Variants in CLIC6 observed in about 807,000 individuals in gnomAD.
CLIC6 encodes the protein chloride intracellular channel protein 6.
A neutral mutation model predicts 49.2 loss-of-function variants in CLIC6; 39 were observed. The ratio of observed to expected loss-of-function variants is 0.79; its 90% CI spans 0.61 to 1.04. The LOEUF (loss-of-function observed/expected upper bound fraction) is 1.04. Among genes scored for constraint, CLIC6 ranks in the 50% least tolerant of loss-of-function variants. CLIC6 has a pLI of 0.00. For synonymous variants in CLIC6, 446 were observed against 433.4 expected, an observed-to-expected ratio of 1.03 and a Z score of -0.36; for missense variants, 988 against 993.1, an observed-to-expected ratio of 0.99 and a Z score of 0.07.
Position 34,670,667 on chromosome 21 carries a change from G to C in CLIC6, c.1279G>C (p.Gly427Arg), listed in dbSNP as rs747804694. The change falls in exon 1 of 6, where the codon GGC (glycine) becomes CGC (arginine). Residue 427 changes from glycine to arginine, a missense_variant. Coordinates refer to ENST00000349499, the MANE Select transcript of CLIC6 (RefSeq NM_053277.3). ...LAEEGPAEGS[G>R]EAARVNGRRE... ...CGAGGAGGGCCCCGCCGAGGGTAGC[G>C]GCGAGGCCGCGCGCGTGAACGGCCG... 6 of 1,571,456 alleles carry C rather than the reference G, an allele frequency of 3.8e-6. No homozygotes were observed. The highest frequency in any genetic ancestry group is 3.5e-5 in the South Asian group (3 of 86,698).
At chr21:34,696,967 A>G (rs566739812) in intron 1 of CLIC6, among the ~76,000 whole-genome samples, 7 of 151,948 alleles carry the variant, frequency 4.6e-5, no homozygotes, top group African/African-American at 1.4e-4. Context: ...TACACAGGGC[A>G]CTCTTTTCTC....
At chr21:34,705,990 A>G (rs777598451) in intron 1 of CLIC6, 1 of 661,436 alleles carries the variant, frequency 1.5e-6, no homozygotes, top group African/African-American at 1.8e-5. Context: ...TATATTTTTT[A>G]AATTACTATT....
intron 4 of CLIC6, 115 bp from the exon 5 acceptor site, chr21:34,709,242 C>G (rs2056038509): frequency 1.2e-6 from 1 of 833,732 alleles, no homozygotes; most frequent in Non-Finnish European, 1.9e-6. Context: ...TTCCCAGCAC[C>G]CATTGCTTGC....
At chr21:34,697,138 G>A (rs780567793) in intron 1 of CLIC6, among the ~76,000 whole-genome samples, 2 of 152,160 alleles carry the variant, frequency 1.3e-5, no homozygotes, top group African/African-American at 2.4e-5. Flanking sequence ...GGAGGGCCTG[G>A]TGTCTGGCCC....
In CLIC6 at chr21:34,670,716, A is replaced by G. The variant is rs1436170623; in HGVS notation, c.1328A>G (p.Glu443Gly). ...CGCCGGGAGGACGGAGAGGCGTCCG[A>G]GCCCCGGGCCCTGGGGCAGGAGCAC... ...NGRREDGEAS[E>G]PRALGQEHDI... Residue 443 changes from glutamate to glycine, a missense_variant, in exon 1 of 6, where the codon GAG (glutamate) becomes GGG (glycine). Transcript: ENST00000349499. 2 of 1,598,480 alleles carry G rather than the reference A, an allele frequency of 1.3e-6. No homozygotes were observed. The highest frequency in any genetic ancestry group is 1.7e-6 in the Non-Finnish European group (2 of 1,176,652).
intron 1 of CLIC6, among the ~76,000 whole-genome samples, chr21:34,687,870 G>A (rs1989910224): frequency 6.6e-6 from 1 of 152,180 alleles, no homozygotes; most frequent in Non-Finnish European, 1.5e-5. Flanking sequence ...TTAATGAAGA[G>A]TGAGAAGTCT....
intron 1 of CLIC6, among the ~76,000 whole-genome samples, chr21:34,693,979 T>TC (rs1229268705): frequency 3.6e-5 from 5 of 140,552 alleles, no homozygotes; most frequent in Non-Finnish European, 8.1e-5. Context: ...TGTTTTCTTT[T>TC]TTTTTTTTTT....
rs769335366 is a variant in CLIC6 at position 34,670,670 on chromosome 21, G to A, written c.1282G>A (p.Glu428Lys). The A allele has an allele frequency of 5.7e-5, 89 of 1,572,710 alleles. No homozygotes were observed. Among genetic ancestry groups the A allele is most frequent in the Non-Finnish European group, 7.3e-5 (85 of 1,162,822 alleles). Residue 428 changes from glutamate (E) to lysine (K), a missense_variant, in exon 1 of 6, where the codon GAG becomes AAG. Glu to Lys is a moderately conservative substitution (Grantham distance 56). Transcript: ENST00000349499. ...AEEGPAEGSG[E>K]AARVNGRRED... The stretch of plus-strand genomic sequence containing the variant: ...GGAGGGCCCCGCCGAGGGTAGCGGC[G>A]AGGCCGCGCGCGTGAACGGCCGCCG...
rs2056093424 is a variant in CLIC6, at chr21:34,717,315, T to G, written c.*833T>G. 1.3e-5 allele frequency: 2 copies of G among 152,264 alleles called. No individual in the cohort carries two copies. Among genetic ancestry groups the G allele is most frequent in the South Asian group, 4.1e-4 (2 of 4,834 alleles). 9.4% of individuals were successfully genotyped at this position (152,264 alleles called of 1,614,324 possible). On this transcript the variant is annotated 3_prime_UTR_variant, in exon 6 of 6. Transcript: ENST00000349499. Reference sequence around the variant, plus strand: ...TGGAGAACCTCCCTGCCCTGAAATGTGAACCAAGCACACTTTGGTTCCTTC... The same window carrying G: ...TGGAGAACCTCCCTGCCCTGAAATGGGAACCAAGCACACTTTGGTTCCTTC...
At chr21:34,712,265 G>T in intron 5 of CLIC6, among the ~76,000 whole-genome samples, 1 of 152,164 alleles carries the variant, frequency 6.6e-6, no homozygotes, top group East Asian at 1.9e-4. Context: ...AGATGAGAGT[G>T]TGAAGGGATT....
intron 5 of CLIC6, among the ~76,000 whole-genome samples, chr21:34,712,027 C>G (rs1237486369): frequency 6.6e-6 from 1 of 152,156 alleles, no homozygotes; most frequent in African/African-American, 2.4e-5. Flanking sequence ...ATCCCAGCCA[C>G]AGAGCATTCA....
At chr21:34,683,687 G>T (rs917377028) in intron 1 of CLIC6, among the ~76,000 whole-genome samples, 1 of 152,104 alleles carries the variant, frequency 6.6e-6, no homozygotes, top group African/African-American at 2.4e-5. Context: ...AGATCTGATG[G>T]TTTAAAAGTG....
intron 1 of CLIC6, among the ~76,000 whole-genome samples, chr21:34,682,479 G>A (rs1989795713): frequency 6.6e-6 from 1 of 152,140 alleles, no homozygotes; most frequent in East Asian, 1.9e-4. Context: ...TGAGATGGCT[G>A]CTTATATTCT....
chr21:34,694,237 C>T (rs979200899), intron 1 of CLIC6, among the ~76,000 whole-genome samples: 4 of 104,702 alleles, frequency 3.8e-5, no homozygotes, highest in South Asian at 3.2e-4. Flanking sequence ...CCTCAGCCTC[C>T]GAAAGTGTTG....
At position 34,708,062 on chromosome 21, in the gene CLIC6, C is replaced by G. The variant is rs1222529944; in HGVS notation, c.1603C>G (p.Pro535Ala). ...GGAGTTCTTAGAGGAGAAATTAGCT[C>G]CCCCGAGGTAGGCCTCAGAAAACCA... Reference protein sequence around the residue: ...IEEFLEEKLAPPRYPKLGTQH... With the variant: ...IEEFLEEKLAAPRYPKLGTQH... Residue 535 changes from proline to alanine, a missense_variant, in exon 3 of 6, where the codon CCC (proline) becomes GCC (alanine). Physicochemically the swap from Pro to Ala is conservative, Grantham distance 27. Transcript: ENST00000349499. 2 of 1,613,940 alleles carry G rather than the reference C, an allele frequency of 1.2e-6. No homozygotes were observed. The highest frequency in any genetic ancestry group is 1.7e-6 in the Non-Finnish European group (2 of 1,179,970).
At chr21:34,689,038 A>G (rs1262015498) in intron 1 of CLIC6, among the ~76,000 whole-genome samples, 1 of 152,142 alleles carries the variant, frequency 6.6e-6, no homozygotes, top group Non-Finnish European at 1.5e-5. Context: ...GGGTGAGGGA[A>G]TGAGGTGGGC....
rs13049239 is a variant in CLIC6, at chr21:34,670,285, G to A, written c.897G>A (p.Ser299=). The A allele has an allele frequency of 0.22, 323,001 of 1,439,640 alleles. 37,166 individuals are homozygous for A. The highest frequency in any genetic ancestry group is 0.25 in the South Asian group (16,804 of 68,408). 89.2% of individuals were successfully genotyped at this position (1,439,640 alleles called of 1,614,324 possible). Residue 299 remains serine, a synonymous_variant, in exon 1 of 6, where the codon TCG becomes TCA. Coordinates refer to ENST00000349499, the MANE Select transcript of CLIC6 (RefSeq NM_053277.3). The stretch of plus-strand genomic sequence containing the variant: ...GGGTCTCGGGTGAGCCGCAGCAATC[G>A]GGGGACGGCAGCCTCTCGCCCCAGG... The part of the protein sequence containing the change: ...ARRVSGEPQQ[S]GDGSLSPQAE...
At chr21:34,697,008 A>G (rs1389835307) in intron 1 of CLIC6, among the ~76,000 whole-genome samples, 1 of 152,044 alleles carries the variant, frequency 6.6e-6, no homozygotes, top group Non-Finnish European at 1.5e-5. Flanking sequence ...GGATGCCTGC[A>G]GGGTCTTCTG....
At chr21:34,676,525 C>T (rs987403710) in intron 1 of CLIC6, among the ~76,000 whole-genome samples, 4 of 152,212 alleles carry the variant, frequency 2.6e-5, no homozygotes, top group Non-Finnish European at 5.9e-5. Flanking sequence ...ACTGCAAAGA[C>T]CATGTAGTTT....
Sources: allele counts gnomAD v4.1 joint callset (sites outside exome capture counted in the v4.1 genomes callset), GRCh38; gene constraint gnomAD v4.1.1; transcripts MANE v1.5; gene names NCBI Gene and HGNC (gene_info 2026-07-23, HGNC 2026-07-21).